SLC25A26: variants seen among roughly 807,000 people sequenced by gnomAD.
The protein encoded by SLC25A26 is solute carrier family 25 member 26.
In SLC25A26, 36 loss-of-function variants were observed where a neutral mutation model predicts 37.8. The ratio of observed to expected loss-of-function variants is 0.95; its 90% CI spans 0.73 to 1.26. The LOEUF (loss-of-function observed/expected upper bound fraction) is 1.26, where lower values mean the gene tolerates loss of function less well. SLC25A26 is among the 50% of genes most tolerant of loss of function. SLC25A26 has a pLI of 0.00. For missense variants in SLC25A26, 390 were observed against 331.1 expected, an observed-to-expected ratio of 1.18 and a Z score of -1.38; for synonymous variants, 129 against 122.5, an observed-to-expected ratio of 1.05 and a Z score of -0.35.
chr3:66,340,887 T>TA (rs11452433), intron 5 of SLC25A26, among the ~76,000 whole-genome samples: 46,336 of 150,850 alleles, frequency 0.31, 8,149 homozygotes, highest in East Asian at 0.68. Flanking sequence ...TAATTTTTTG[T>TA]AAAAAAAAAG....
intron 6 of SLC25A26, among the ~76,000 whole-genome samples, chr3:66,347,111 A>T (rs945766127): frequency 6.6e-6 from 1 of 152,196 alleles, no homozygotes; most frequent in African/African-American, 2.4e-5. Flanking sequence ...ACAAAAGCCA[A>T]AATTGACAAA....
chr3:66,264,935 A>G lies in SLC25A26; in HGVS notation c.453+1556A>G, dbSNP rs116561380. Among the ~76,000 whole-genome samples, 123 of 152,340 alleles carry G rather than the reference A, an allele frequency of 8.1e-4. 1 individual carries two copies. Among genetic ancestry groups the G allele is most frequent in the African/African-American group, 2.9e-3 (120 of 41,580 alleles). ...TCTAACTCTAAATTTCTGTGATTCA[A>G]CACATGGGAAATTTTCTTTTGTTCT... On this transcript the variant is annotated intron_variant, in intron 5 of 9. Coordinates refer to ENST00000354883, the MANE Select transcript of SLC25A26 (RefSeq NM_001379210.1).
intron 1 of SLC25A26, among the ~76,000 whole-genome samples, chr3:66,148,774 T>G (rs2070156699): frequency 6.6e-6 from 1 of 152,158 alleles, no homozygotes; most frequent in Non-Finnish European, 1.5e-5. Flanking sequence ...CCCAGGCTGG[T>G]CTCGAACTCC....
intron 1 of SLC25A26, among the ~76,000 whole-genome samples, chr3:66,166,116 A>C (rs1413315130): frequency 6.6e-6 from 1 of 152,186 alleles, no homozygotes; most frequent in Middle Eastern, 3.2e-3. Flanking sequence ...ATCTCTATCA[A>C]ACGCCTTCAG....
At chr3:66,297,811 A>T (rs946138031) in intron 5 of SLC25A26, among the ~76,000 whole-genome samples, 6 of 152,160 alleles carry the variant, frequency 3.9e-5, no homozygotes, top group African/African-American at 1.4e-4. Flanking sequence ...TTTACAGAAA[A>T]AGTTTTCTGA....
At chr3:66,293,934 T>G (rs1202347945) in intron 5 of SLC25A26, among the ~76,000 whole-genome samples, 1 of 152,214 alleles carries the variant, frequency 6.6e-6, no homozygotes, top group African/African-American at 2.4e-5. Flanking sequence ...GTAATAGAGC[T>G]TGAAGTCTGG....
chr3:66,316,238 C>T (rs2075535871), intron 5 of SLC25A26, among the ~76,000 whole-genome samples: 1 of 152,070 alleles, frequency 6.6e-6, no homozygotes, highest in African/African-American at 2.4e-5. Flanking sequence ...CATGTGGTTT[C>T]CTAGTGGTTG....
chr3:66,348,988 C>G (rs2076389983), intron 6 of SLC25A26, among the ~76,000 whole-genome samples: 1 of 152,174 alleles, frequency 6.6e-6, no homozygotes, highest in Non-Finnish European at 1.5e-5. Context: ...ATTAGTGTCT[C>G]AATAACCAGC....
At chr3:66,305,045 G>A (rs926083182) in intron 5 of SLC25A26, among the ~76,000 whole-genome samples, 37 of 152,046 alleles carry the variant, frequency 2.4e-4, no homozygotes, top group African/African-American at 8.9e-4. Flanking sequence ...AGTTTTCTAG[G>A]AACTGAATTT....
At chr3:66,137,558 C>A (rs2069966069) in intron 1 of SLC25A26, among the ~76,000 whole-genome samples, 1 of 151,954 alleles carries the variant, frequency 6.6e-6, no homozygotes, top group African/African-American at 2.4e-5. Flanking sequence ...TCCCAACCTG[C>A]AGAACTGTGA....
intron 1 of SLC25A26, among the ~76,000 whole-genome samples, chr3:66,178,607 G>C (rs1237437166): frequency 6.6e-6 from 1 of 152,076 alleles, no homozygotes; most frequent in East Asian, 1.9e-4. Flanking sequence ...CCTTATCTTA[G>C]GGAGTCCCAA....
chr3:66,363,799 A>G (rs969200568), intron 7 of SLC25A26, among the ~76,000 whole-genome samples: 1 of 152,186 alleles, frequency 6.6e-6, no homozygotes, highest in Admixed American at 6.5e-5. Context: ...AGAAAACAAA[A>G]TGTTCATTTT....
chr3:66,355,071 A>G (rs1313660261), intron 6 of SLC25A26, among the ~76,000 whole-genome samples: 6 of 152,142 alleles, frequency 3.9e-5, no homozygotes, highest in African/African-American at 1.2e-4. Flanking sequence ...CCCAGTCAGA[A>G]TAAATATCCC....
intron 1 of SLC25A26, among the ~76,000 whole-genome samples, chr3:66,150,507 A>AG (rs1559551732): frequency 1.1e-5 from 1 of 88,890 alleles, no homozygotes; most frequent in Non-Finnish European, 2.3e-5. Context: ...CAAGACAAAA[A>AG]AATATATATA....
At chr3:66,305,522 T>C (rs2075193289) in intron 5 of SLC25A26, among the ~76,000 whole-genome samples, 1 of 152,200 alleles carries the variant, frequency 6.6e-6, no homozygotes, top group African/African-American at 2.4e-5. Context: ...TAGGTAAATA[T>C]GTGCTATGGT....
At chr3:66,216,153 C>A (rs1377506443), upstream of SLC25A26, among the ~76,000 whole-genome samples, 1 of 152,106 alleles carries the variant, frequency 6.6e-6, no homozygotes, top group Non-Finnish European at 1.5e-5. Context: ...ATCACACTGG[C>A]GATTAAGTTT....
chr3:66,177,650 A>G (rs1204114479), intron 1 of SLC25A26, among the ~76,000 whole-genome samples: 2 of 152,242 alleles, frequency 1.3e-5, no homozygotes, highest in African/African-American at 4.8e-5. Context: ...GGGGATGGGA[A>G]GGAGTGAGAT....
chr3:66,283,992 T>C (rs12107301), intron 5 of SLC25A26, among the ~76,000 whole-genome samples: 26,111 of 152,260 alleles, frequency 0.17, 2,702 homozygotes, highest in Non-Finnish European at 0.24. Flanking sequence ...TGAAATGTTA[T>C]CTGTGTCTTC....
In SLC25A26 at chr3:66,158,738, G is replaced by T. The variant is rs367734920; in HGVS notation, c.-354+24754G>T. On this transcript the variant is annotated intron_variant, in intron 1 of 10. Transcript: ENST00000676754. Reference sequence around the variant, plus strand: ...ATAGGATTTATTAATCTGTTTGTTTGTAGAGGGGCAGAGGGAAGAAGGGAG... The same window carrying T: ...ATAGGATTTATTAATCTGTTTGTTTTTAGAGGGGCAGAGGGAAGAAGGGAG... 2.4e-4 allele frequency among the ~76,000 whole-genome samples: 36 copies of T among 152,278 alleles called. 1 individual carries two copies. In the South Asian group the frequency reaches 7.5e-3, roughly 32 times the overall value.
Sources: allele counts gnomAD v4.1 joint callset (sites outside exome capture counted in the v4.1 genomes callset), GRCh38; gene constraint gnomAD v4.1.1; transcripts MANE v1.5; gene names NCBI Gene and HGNC (gene_info 2026-07-23, HGNC 2026-07-21).